The following TSPAN18 variants were observed in gnomAD, a reference collection of about 807,000 sequenced individuals.
The protein encoded by TSPAN18 is tetraspanin-18.
In TSPAN18, 14 loss-of-function variants were observed where a neutral mutation model predicts 27.3. The ratio of observed to expected loss-of-function variants is 0.51; its 90% CI spans 0.34 to 0.80. TSPAN18 has a LOEUF of 0.80. TSPAN18 is among the 30% of genes least tolerant of loss of function. The pLI is 0.01. For missense variants in TSPAN18, 268 were observed against 323.9 expected, an observed-to-expected ratio of 0.83 and a Z score of 1.32; for synonymous variants, 143 against 136.5, an observed-to-expected ratio of 1.05 and a Z score of -0.33.
At chr11:44,742,212 G>C (rs1854954688) in intron 1 of TSPAN18, among the ~76,000 whole-genome samples, 1 of 149,904 alleles carries the variant, frequency 6.7e-6, no homozygotes, top group Non-Finnish European at 1.5e-5. Flanking sequence ...AATGCAGAAA[G>C]GGTCCTTGGT....
chr11:44,874,784 C>T (rs2135245094), intron 3 of TSPAN18, among the ~76,000 whole-genome samples: 1 of 152,330 alleles, frequency 6.6e-6, no homozygotes, highest in Middle Eastern at 3.4e-3. Context: ...GGGTTCCACC[C>T]AGGCTGGCTC....
intron 4 of TSPAN18, among the ~76,000 whole-genome samples, chr11:44,908,105 G>C (rs1403907168): frequency 6.7e-6 from 1 of 149,518 alleles, no homozygotes; most frequent in Admixed American, 6.7e-5. Context: ...GGCAAAAATG[G>C]AAACCCTGTC....
intron 2 of TSPAN18, among the ~76,000 whole-genome samples, chr11:44,856,687 T>C (rs574084824): frequency 1.3e-5 from 2 of 152,338 alleles, no homozygotes; most frequent in South Asian, 2.1e-4. Flanking sequence ...GTTCAATTAA[T>C]GCTTTCCAAA....
At chr11:44,730,132 C>T (rs1372415245) in intron 1 of TSPAN18, among the ~76,000 whole-genome samples, 1 of 152,158 alleles carries the variant, frequency 6.6e-6, no homozygotes, top group African/African-American at 2.4e-5. Flanking sequence ...CCCGCCTGTA[C>T]ACAGCAAAAT....
intron 2 of TSPAN18, among the ~76,000 whole-genome samples, chr11:44,801,197 T>C (rs1856472439): frequency 6.6e-6 from 1 of 152,234 alleles, no homozygotes; most frequent in South Asian, 2.1e-4. Flanking sequence ...TAGGGGTTCA[T>C]TATAGTATTC....
intron 2 of TSPAN18, among the ~76,000 whole-genome samples, chr11:44,853,694 A>G (rs922947133): frequency 2.0e-5 from 3 of 152,062 alleles, no homozygotes; most frequent in African/African-American, 7.2e-5. Flanking sequence ...CGCCCCATGC[A>G]CCTCTCCATC....
chr11:44,822,768 A>G (rs1376517137), intron 2 of TSPAN18, among the ~76,000 whole-genome samples: 1 of 152,092 alleles, frequency 6.6e-6, no homozygotes, highest in Non-Finnish European at 1.5e-5. Flanking sequence ...CAGACCCCAA[A>G]TGAAGACCAG....
intron 3 of TSPAN18, among the ~76,000 whole-genome samples, chr11:44,883,583 C>T (rs1858554566): frequency 6.6e-6 from 1 of 152,244 alleles, no homozygotes; most frequent in African/African-American, 2.4e-5. Flanking sequence ...CACTCTGGGT[C>T]CCTCAGCCAC....
chr11:44,807,527 CAAAAA>C (rs59241339), intron 2 of TSPAN18, among the ~76,000 whole-genome samples: 5 of 64,480 alleles, frequency 7.8e-5, no homozygotes, highest in African/African-American at 3.7e-4. Context: ...AACTCCATCT[CAAAAA>C]AAAAAAAAAA....
chr11:44,924,185 A>G (rs529790941), intron 8 of TSPAN18, among the ~76,000 whole-genome samples: 8 of 151,722 alleles, frequency 5.3e-5, no homozygotes, highest in Non-Finnish European at 1.2e-4. Flanking sequence ...ACCACTCAGG[A>G]TATGCTAAGA....
At chr11:44,826,827 G>A (rs1413010504) in intron 2 of TSPAN18, among the ~76,000 whole-genome samples, 3 of 152,152 alleles carry the variant, frequency 2.0e-5, no homozygotes, top group African/African-American at 7.2e-5. Context: ...GAGTGCCTTG[G>A]GGAGCCTGGG....
intron 2 of TSPAN18, among the ~76,000 whole-genome samples, chr11:44,824,783 A>G (rs1297791001): frequency 1.3e-5 from 2 of 152,184 alleles, no homozygotes; most frequent in Non-Finnish European, 2.9e-5. Context: ...TAATTGTTCA[A>G]TTTTGGGAGA....
At chr11:44,799,211 C>A (rs1008715209) in intron 2 of TSPAN18, among the ~76,000 whole-genome samples, 1 of 152,060 alleles carries the variant, frequency 6.6e-6, no homozygotes, top group Non-Finnish European at 1.5e-5. Context: ...ATTCCTCAGC[C>A]TTGCCCGAGA....
intron 4 of TSPAN18, among the ~76,000 whole-genome samples, chr11:44,908,776 A>G (rs113562759): frequency 5.8e-5 from 7 of 120,470 alleles, no homozygotes; most frequent in African/African-American, 1.1e-4. Context: ...AAGGAGAAAG[A>G]AAGAAAGAAA....
At chr11:44,865,614 C>A (rs1183581132) in intron 3 of TSPAN18, among the ~76,000 whole-genome samples, 1 of 152,222 alleles carries the variant, frequency 6.6e-6, no homozygotes, top group Non-Finnish European at 1.5e-5. Context: ...CTGCCAACCC[C>A]ATCAGTCCCT....
chr11:44,761,247 C>T (rs1855447998), intron 1 of TSPAN18, among the ~76,000 whole-genome samples: 1 of 152,172 alleles, frequency 6.6e-6, no homozygotes, highest in Non-Finnish European at 1.5e-5. Flanking sequence ...CAAGGGTGAC[C>T]CCTGTCGCCT....
intron 3 of TSPAN18, among the ~76,000 whole-genome samples, chr11:44,874,242 C>T (rs763074955): frequency 9.8e-5 from 15 of 152,316 alleles, no homozygotes; most frequent in Non-Finnish European, 2.1e-4. Flanking sequence ...TCACCTCCAC[C>T]TCTTCCGCCT....
At chr11:44,835,086 C>T (rs1857237355) in intron 2 of TSPAN18, among the ~76,000 whole-genome samples, 1 of 152,184 alleles carries the variant, frequency 6.6e-6, no homozygotes, top group South Asian at 2.1e-4. Flanking sequence ...CCTCTGGCTG[C>T]CTGCACACGG....
intron 3 of TSPAN18, among the ~76,000 whole-genome samples, chr11:44,891,666 C>A (rs905692662): frequency 6.6e-6 from 1 of 152,110 alleles, no homozygotes; most frequent in Non-Finnish European, 1.5e-5. Flanking sequence ...CTGCTGTGGC[C>A]GTCAGCCCAT....
Sources: gnomAD v4.1 joint callset for allele counts (sites outside exome capture counted in the v4.1 genomes callset) on GRCh38, gnomAD v4.1.1 for gene constraint, MANE v1.5 for transcripts, NCBI Gene and HGNC (gene_info 2026-07-23, HGNC 2026-07-21) for gene names.